LRMDA: variants seen among roughly 807,000 people sequenced by gnomAD.
LRMDA encodes leucine rich melanocyte differentiation associated.
LRMDA carries 18 observed loss-of-function variants against 29.8 expected under a neutral mutation model. The observed-to-expected ratio is 0.60, with a 90% confidence interval of 0.42 to 0.90. The LOEUF (loss-of-function observed/expected upper bound fraction) is 0.90, where lower values mean the gene tolerates loss of function less well. Ranked by LOEUF, LRMDA falls within the 40% of genes least tolerant of loss-of-function variation. LRMDA has a pLI of 0.00. For missense variants in LRMDA, 273 were observed against 273.9 expected (o/e 1.00, Z 0.02); for synonymous variants, 125 against 109.4 (o/e 1.14, Z -0.89).
chr10:76,059,188 G>A (rs1025941583), intron 5 of LRMDA, among the ~76,000 whole-genome samples: 1 of 152,140 alleles, frequency 6.6e-6, no homozygotes, highest in African/African-American at 2.4e-5. Flanking sequence ...GGGAAGCTAG[G>A]GAAGAGTGAT....
intron 2 of LRMDA, among the ~76,000 whole-genome samples, chr10:75,697,834 AGT>A (rs377639647): frequency 7.3e-4 from 96 of 132,074 alleles, no homozygotes; most frequent in African/African-American, 2.2e-3. Context: ...TGCATGTAAG[AGT>A]GTGTGTGTGT....
At chr10:76,075,669 GT>G (rs1248465661) in intron 5 of LRMDA, among the ~76,000 whole-genome samples, 1 of 152,214 alleles carries the variant, frequency 6.6e-6, no homozygotes, top group African/African-American at 2.4e-5. Context: ...GGCAAGTCTA[GT>G]TTGTCCTCCA....
chr10:75,796,315 G>T (rs1000430590), intron 2 of LRMDA, among the ~76,000 whole-genome samples: 2 of 152,170 alleles, frequency 1.3e-5, no homozygotes, highest in African/African-American at 4.8e-5. Context: ...TATCTTTGAT[G>T]TAGAAGTTCT....
chr10:76,333,753 C>G (rs1840933233), intron 6 of LRMDA, among the ~76,000 whole-genome samples: 1 of 152,182 alleles, frequency 6.6e-6, no homozygotes, highest in Non-Finnish European at 1.5e-5. Context: ...ATTCGATGAT[C>G]AAGGCCTGGA....
chr10:75,507,702 A>G (rs1845184609), intron 2 of LRMDA, among the ~76,000 whole-genome samples: 1 of 152,210 alleles, frequency 6.6e-6, no homozygotes, highest in South Asian at 2.1e-4. Context: ...ATTAATCACA[A>G]ACAGAATAGC....
intron 2 of LRMDA, among the ~76,000 whole-genome samples, chr10:75,698,545 G>A (rs1053196691): frequency 7.9e-5 from 12 of 152,188 alleles, no homozygotes; most frequent in African/African-American, 2.9e-4. Flanking sequence ...ATAAACAGGT[G>A]GCACATGGGC....
At chr10:76,355,230 G>C (rs923919209) in intron 6 of LRMDA, among the ~76,000 whole-genome samples, 15 of 152,216 alleles carry the variant, frequency 9.9e-5, no homozygotes, top group South Asian at 2.1e-4. Flanking sequence ...GACTAGAATC[G>C]GGAATAAGTG....
Position 75,943,822 on chromosome 10 carries a change from A to G in LRMDA, c.132-92186A>G, listed in dbSNP as rs11001558. ...TAGCTCAATTCAACACTTATTCAAC[A>G]ATTATTTATTGAGGACCTGCTATAT... On this transcript the variant is annotated intron_variant, in intron 2 of 6. Transcript: ENST00000611255. Among the ~76,000 whole-genome samples the G allele has an allele frequency of 1.0e-3, 154 of 152,282 alleles. 2 individuals carry two copies. In the East Asian group the frequency reaches 0.023, roughly 22 times the overall value.
At chr10:76,135,305 G>A (rs1850073501) in intron 5 of LRMDA, among the ~76,000 whole-genome samples, 1 of 152,204 alleles carries the variant, frequency 6.6e-6, no homozygotes, top group Non-Finnish European at 1.5e-5. Flanking sequence ...CAAAGGGACA[G>A]CACCAAATGG....
At chr10:76,265,115 A>T (rs974161848) in intron 5 of LRMDA, among the ~76,000 whole-genome samples, 2 of 152,282 alleles carry the variant, frequency 1.3e-5, no homozygotes, top group African/African-American at 2.4e-5. Flanking sequence ...GGGCCTGCAC[A>T]GGGGCACTCT....
chr10:76,207,775 C>T (rs1000073744), intron 5 of LRMDA, among the ~76,000 whole-genome samples: 5 of 152,080 alleles, frequency 3.3e-5, no homozygotes, highest in African/African-American at 9.7e-5. Flanking sequence ...ACCAGCCTGG[C>T]CATCATGGTG....
chr10:76,017,323 G>A (rs1847894887), intron 2 of LRMDA, among the ~76,000 whole-genome samples: 1 of 152,220 alleles, frequency 6.6e-6, no homozygotes, highest in Non-Finnish European at 1.5e-5. Flanking sequence ...CCAGAAGCTA[G>A]GAGAGAGGTC....
At chr10:76,036,352 G>C (rs1288567213) in intron 3 of LRMDA, among the ~76,000 whole-genome samples, 1 of 152,172 alleles carries the variant, frequency 6.6e-6, no homozygotes, top group African/African-American at 2.4e-5. Context: ...TAAATGAAAC[G>C]CACCATTATA....
intron 5 of LRMDA, among the ~76,000 whole-genome samples, chr10:76,240,195 ACACACACACACACAC>A (rs1852246128): frequency 6.7e-6 from 1 of 148,566 alleles, no homozygotes; most frequent in Admixed American, 6.7e-5. Context: ...CACACACACC[ACACACACACACACAC>A]CACACACACA....
At chr10:76,188,243 C>A (rs938211770) in intron 5 of LRMDA, among the ~76,000 whole-genome samples, 3 of 152,200 alleles carry the variant, frequency 2.0e-5, no homozygotes, top group African/African-American at 4.8e-5. Context: ...AGATTGCTTC[C>A]TTTCCTGGCT....
intron 5 of LRMDA, among the ~76,000 whole-genome samples, chr10:76,183,741 TG>T (rs749011313): frequency 1.2e-4 from 19 of 152,310 alleles, no homozygotes; most frequent in East Asian, 3.9e-4. Context: ...TTTTTAGAGA[TG>T]GGGTATTGCT....
At chr10:76,116,397 A>G (rs1849668549) in intron 5 of LRMDA, among the ~76,000 whole-genome samples, 1 of 152,216 alleles carries the variant, frequency 6.6e-6, no homozygotes, top group Admixed American at 6.5e-5. Context: ...AATCCAGATT[A>G]CAGGTGAGAA....
At chr10:75,896,292 T>C (rs1355707915) in intron 2 of LRMDA, among the ~76,000 whole-genome samples, 2 of 152,228 alleles carry the variant, frequency 1.3e-5, no homozygotes, top group Non-Finnish European at 2.9e-5. Context: ...ACTTAACCAA[T>C]TTCTCATCTG....
chr10:75,950,227 C>T (rs79867198), intron 2 of LRMDA, among the ~76,000 whole-genome samples: 1,970 of 152,262 alleles, frequency 0.013, 52 homozygotes, highest in East Asian at 0.13. Context: ...TCAGCTCTGC[C>T]CTTCTTTCCC....
Sources: allele counts gnomAD v4.1 joint callset (sites outside exome capture counted in the v4.1 genomes callset), GRCh38; gene constraint gnomAD v4.1.1; transcripts MANE v1.5; gene names NCBI Gene and HGNC (gene_info 2026-07-23, HGNC 2026-07-21).